Variants in ST8SIA4 observed in about 807,000 individuals in gnomAD.
The protein encoded by ST8SIA4 is CMP-N-acetylneuraminate-poly-alpha-2,8-sialyltransferase.
ST8SIA4 carries 15 observed loss-of-function variants against 33.9 expected under a neutral mutation model. The observed-to-expected ratio is 0.44, with a 90% CI of 0.30 to 0.68. ST8SIA4 has a LOEUF of 0.68. Ranked by LOEUF, ST8SIA4 falls within the 30% of genes least tolerant of loss-of-function variation. ST8SIA4 has a pLI of 0.10. For synonymous variants in ST8SIA4, 171 were observed against 151.2 expected, an observed-to-expected ratio of 1.13 and a Z score of -0.96; for missense variants, 321 against 428.0, an observed-to-expected ratio of 0.75 and a Z score of 2.21.
rs1751764672 is a variant in ST8SIA4 at position 100,854,218 on chromosome 5, T to C, written c.797+1885A>G. 2.0e-5 allele frequency among the ~76,000 whole-genome samples: 3 copies of C among 152,092 alleles called. No individual in the cohort carries two copies. The East Asian group carries it at 5.8e-4, about 29-fold the overall frequency. On this transcript the variant is annotated intron_variant, in intron 4 of 4. Transcript: ENST00000231461. ...ACTTACTCTCCAAATGCAGTATTTT[T>C]ATCTTATTTTGTTGAAACTTCCTGT...
intron 1 of ST8SIA4, 103 bp from the exon 2 acceptor site, chr5:100,895,888 C>CT: frequency 8.0e-7 from 1 of 1,255,326 alleles, no homozygotes; most frequent in Non-Finnish European, 1.1e-6. Flanking sequence ...ATTTTAGATA[C>CT]TTTTTCCCCT....
At chr5:100,831,616 A>G (rs1232822170) in intron 4 of ST8SIA4, among the ~76,000 whole-genome samples, 3 of 152,088 alleles carry the variant, frequency 2.0e-5, no homozygotes, top group African/African-American at 7.2e-5. Flanking sequence ...TCATGCAGAG[A>G]CACAACTCTT....
At chr5:100,817,257 G>A (rs137953724) in intron 4 of ST8SIA4, among the ~76,000 whole-genome samples, 6 of 151,168 alleles carry the variant, frequency 4.0e-5, no homozygotes, top group East Asian at 3.9e-4. Flanking sequence ...ATGAGCCACC[G>A]TGCCCAGCCA....
At chr5:100,839,827 C>T (rs914058413) in intron 4 of ST8SIA4, among the ~76,000 whole-genome samples, 2 of 151,762 alleles carry the variant, frequency 1.3e-5, no homozygotes, top group Admixed American at 1.3e-4. Context: ...AAGAGAGCTG[C>T]TCCTGGAATC....
At chr5:100,865,538 C>T (rs1752042863) in intron 3 of ST8SIA4, among the ~76,000 whole-genome samples, 1 of 152,182 alleles carries the variant, frequency 6.6e-6, no homozygotes. Flanking sequence ...GAGTTTCAAT[C>T]AGTTACTGAA....
chr5:100,856,563 C>A (rs148442256), intron 3 of ST8SIA4, among the ~76,000 whole-genome samples, 167 bp from the exon 4 acceptor site: 3 of 152,162 alleles, frequency 2.0e-5, no homozygotes, highest in Admixed American at 6.5e-5. Flanking sequence ...AGTCTCCGCA[C>A]GTGCAGGAAT....
chr5:100,819,428 G>A (rs1196200790), intron 4 of ST8SIA4, among the ~76,000 whole-genome samples: 3 of 152,102 alleles, frequency 2.0e-5, no homozygotes, highest in African/African-American at 7.2e-5. Flanking sequence ...GATACTGTAG[G>A]AACTACCCAT....
chr5:100,856,447 T>G (rs973691611), intron 3 of ST8SIA4, 51 bp from the exon 4 acceptor site: 1 of 1,493,894 alleles, frequency 6.7e-7, no homozygotes. Context: ...AAATATTCAC[T>G]GGTAAAATGG....
intron 3 of ST8SIA4, among the ~76,000 whole-genome samples, chr5:100,863,855 G>A (rs796317459): frequency 3.3e-5 from 5 of 152,116 alleles, no homozygotes; most frequent in South Asian, 4.1e-4. Flanking sequence ...CTTCAGCTAC[G>A]GACAAGTGGT....
rs1167761462 is a variant in ST8SIA4, at chr5:100,890,022, GT to G, written c.246-3423del. 5.3e-5 allele frequency among the ~76,000 whole-genome samples: 8 copies of G among 151,862 alleles called. No individual in the cohort carries two copies. The South Asian group carries it at 1.7e-3, about 31-fold the overall frequency. On this transcript the variant is annotated intron_variant, in intron 2 of 4. Coordinates refer to ENST00000231461, the MANE Select transcript of ST8SIA4 (RefSeq NM_005668.6). Reference sequence around the variant, plus strand: ...TGACTCTGGGTTTGTTTGTTTGTTTGTTTTTTCTTATTCCTGAACCAAACTT... The same window carrying G: ...TGACTCTGGGTTTGTTTGTTTGTTTGTTTTTCTTATTCCTGAACCAAACTT...
intron 3 of ST8SIA4, among the ~76,000 whole-genome samples, chr5:100,861,881 G>A (rs1008875204): frequency 6.6e-6 from 1 of 152,148 alleles, no homozygotes; most frequent in African/African-American, 2.4e-5. Context: ...AAAATTAAAT[G>A]AAACAAAATA....
chr5:100,850,864 CTG>C (rs1158436559), intron 4 of ST8SIA4, among the ~76,000 whole-genome samples: 2 of 149,992 alleles, frequency 1.3e-5, no homozygotes, highest in African/African-American at 4.9e-5. Context: ...TAAATATTAA[CTG>C]TTGTTACTTC....
In ST8SIA4 at chr5:100,870,783, GAAC is replaced by G. The variant is rs900872830; in HGVS notation, c.504-14390_504-14388del. Among the ~76,000 whole-genome samples, 30 of 151,724 alleles carry G rather than the reference GAAC, an allele frequency of 2.0e-4. 1 individual carries two copies. The highest frequency in any genetic ancestry group is 1.9e-3 in the Admixed American group (29 of 15,226). On this transcript the variant is annotated intron_variant, in intron 3 of 4. Transcript: ENST00000231461. ...AGTTAAATTTTAAACATCATAATTA[GAAC>G]AACATATAAATCATATTTCTACATA...
intron 3 of ST8SIA4, among the ~76,000 whole-genome samples, chr5:100,863,920 G>C (rs958531703): frequency 1.3e-5 from 2 of 152,178 alleles, no homozygotes; most frequent in Non-Finnish European, 2.9e-5. Flanking sequence ...CAACAGAAAA[G>C]AATCTGTAAA....
intron 4 of ST8SIA4, 61 bp from the exon 5 acceptor site, chr5:100,812,190 T>C: frequency 1.4e-6 from 2 of 1,406,308 alleles, no homozygotes; most frequent in Non-Finnish European, 1.9e-6. Context: ...GAGCATATCC[T>C]ATAGCAAGTA....
chr5:100,844,019 C>T (rs568925433), intron 4 of ST8SIA4, among the ~76,000 whole-genome samples: 10 of 151,922 alleles, frequency 6.6e-5, no homozygotes, highest in Admixed American at 5.9e-4. Context: ...AAATTCTTCA[C>T]GGAATGTACA....
intron 4 of ST8SIA4, among the ~76,000 whole-genome samples, chr5:100,852,456 T>A (rs1375419159): frequency 5.2e-5 from 7 of 133,412 alleles, no homozygotes; most frequent in Non-Finnish European, 9.7e-5. Flanking sequence ...AAAAAAAAAA[T>A]ACAAAATGTT....
At chr5:100,845,076 G>A (rs1048801890) in intron 4 of ST8SIA4, among the ~76,000 whole-genome samples, 12 of 151,988 alleles carry the variant, frequency 7.9e-5, no homozygotes, top group African/African-American at 2.9e-4. Context: ...GACAAATGGC[G>A]ATAGCCATAA....
rs146339333 is a variant in ST8SIA4 at position 100,884,254 on chromosome 5, T to C, written c.503+2089A>G. On this transcript the variant is annotated intron_variant, in intron 3 of 4. Transcript: ENST00000231461. ...AGGAAGAGAAAATATATGTACAATA[T>C]CAACTTCTAGGCATTTTGCTGGAGT... 4.0e-3 allele frequency among the ~76,000 whole-genome samples: 612 copies of C among 152,342 alleles called. 4 individuals are homozygous for C. The highest frequency in any genetic ancestry group is 0.014 in the African/African-American group (585 of 41,574).
Sources: allele counts gnomAD v4.1 joint callset (sites outside exome capture counted in the v4.1 genomes callset), GRCh38; gene constraint gnomAD v4.1.1; transcripts MANE v1.5; gene names NCBI Gene and HGNC (gene_info 2026-07-23, HGNC 2026-07-21).